The following SYNE1 variants were observed in gnomAD, a reference collection of about 807,000 sequenced individuals.
SYNE1 encodes nesprin-1.
Under a neutral mutation model 1,111.0 loss-of-function variants are expected in SYNE1, and 616 were observed. That is an observed-to-expected ratio of 0.55 (90% confidence interval 0.52 to 0.59). The LOEUF (loss-of-function observed/expected upper bound fraction) is 0.59, where lower values mean the gene tolerates loss of function less well. Ranked by LOEUF, SYNE1 falls within the 20% of genes least tolerant of loss-of-function variation. SYNE1 has a pLI of 0.00. For synonymous variants in SYNE1, 3,855 were observed against 3,825.8 expected (o/e 1.01, Z -0.28); for missense variants, 10,006 against 10,417.0 (o/e 0.96, Z 1.72).
chr6:152,381,082 GTT>G lies in SYNE1; in HGVS notation c.8931_8932del (p.Lys2977AsnfsTer16). The G allele has an allele frequency of 6.2e-7, 1 of 1,614,166 alleles. No individual in the cohort carries two copies. Among genetic ancestry groups the G allele is most frequent in the Non-Finnish European group, 8.5e-7 (1 of 1,180,032 alleles). ...CAGGAGGGTTAACTGCTGAGCCCAGGTTTTCAGAAGGGCACTGAACTGTTCCA... is the reference window on the plus strand; with the variant it reads ...CAGGAGGGTTAACTGCTGAGCCCAGGTTCAGAAGGGCACTGAACTGTTCCA... On this transcript the variant is annotated frameshift_variant, in exon 56 of 146. Coordinates refer to ENST00000367255, the MANE Select transcript of SYNE1 (RefSeq NM_182961.4). LOFTEE classifies it high-confidence loss of function.
chr6:152,127,230 G>A (rs946184399), intron 145 of SYNE1: 13 of 152,118 alleles, frequency 8.5e-5, no homozygotes, highest in South Asian at 2.1e-4. Flanking sequence ...TACGGTTAAC[G>A]GGGTAGGGTC....
intron 130 of SYNE1, among the ~76,000 whole-genome samples, chr6:152,170,020 T>C (rs890093151): frequency 1.3e-5 from 2 of 152,194 alleles, no homozygotes; most frequent in African/African-American, 4.8e-5. Context: ...GTTTTTTTCT[T>C]GATTATGACT....
In SYNE1 at chr6:152,419,779, TGA is replaced by T. The variant is rs1450302299; in HGVS notation, c.5268-59_5268-58del. Reference sequence around the variant, plus strand: ...CCCATAAGTAAACAGAAAGGATTAATGATGTATTTTGGGAATTAAGCTTACCC... The same window carrying T: ...CCCATAAGTAAACAGAAAGGATTAATTGTATTTTGGGAATTAAGCTTACCC... On this transcript the variant is annotated intron_variant, in intron 39 of 145. Coordinates refer to ENST00000367255, the MANE Select transcript of SYNE1 (RefSeq NM_182961.4). 530 of 1,592,206 alleles carry T rather than the reference TGA, an allele frequency of 3.3e-4. 1 individual carries two copies. In the African/African-American group the frequency reaches 6.2e-3, roughly 19 times the overall value.
intron 3 of SYNE1, among the ~76,000 whole-genome samples, chr6:152,554,906 T>A (rs1266182054): frequency 6.6e-6 from 1 of 152,222 alleles, no homozygotes; most frequent in Non-Finnish European, 1.5e-5. Context: ...AACATTTTAA[T>A]TTAAATGTTT....
At chr6:152,415,893 T>A (rs183586702) in intron 41 of SYNE1, among the ~76,000 whole-genome samples, 3 of 151,448 alleles carry the variant, frequency 2.0e-5, no homozygotes, top group Non-Finnish European at 2.9e-5. Context: ...AATTTAGAAG[T>A]TGATTTTGCC....
chr6:152,141,132 A>C, intron 139 of SYNE1, 71 bp downstream of exon 139: 1 of 1,609,084 alleles, frequency 6.2e-7, no homozygotes, highest in Non-Finnish European at 8.5e-7. Context: ...CCTAAGTGGA[A>C]TTTCGCTGTT....
At chr6:152,163,107 A>G (rs2062858199) in intron 131 of SYNE1, among the ~76,000 whole-genome samples, 1 of 152,214 alleles carries the variant, frequency 6.6e-6, no homozygotes, top group South Asian at 2.1e-4. Flanking sequence ...TGTGGATAGA[A>G]TATTCAAAGC....
rs190303992 is a variant in SYNE1, at chr6:152,230,383, T to A, written c.21195+164A>T. On this transcript the variant is annotated intron_variant, in intron 115 of 145. Coordinates refer to ENST00000367255, the MANE Select transcript of SYNE1 (RefSeq NM_182961.4). ...CGAGTGAAAAAAACCTAATGTATTT[T>A]AAAAAAAACCCTATAAACTCACAAA... Among the ~76,000 whole-genome samples, 796 of 152,082 alleles carry A rather than the reference T, an allele frequency of 5.2e-3. 9 individuals carry two copies. Among genetic ancestry groups the A allele is most frequent in the African/African-American group, 0.018 (730 of 41,486 alleles).
intron 63 of SYNE1, 120 bp downstream of exon 63, chr6:152,364,727 A>AGGAT (rs2097028413): frequency 5.5e-6 from 6 of 1,082,252 alleles, no homozygotes; most frequent in Non-Finnish European, 8.0e-6. Flanking sequence ...GAAGGAAGGA[A>AGGAT]GGGAGGAAGG....
rs188811614 is a variant in SYNE1, at chr6:152,611,602, A to C, written c.67+16663T>G. On this transcript the variant is annotated intron_variant, in intron 3 of 145. Coordinates refer to ENST00000367255, the MANE Select transcript of SYNE1 (RefSeq NM_182961.4). ...AGACAGATCAATGAGACAGAAGGTT[A>C]ACAAGGATATCCAGGAATTGAACTC... Among the ~76,000 whole-genome samples the C allele has an allele frequency of 2.1e-3, 322 of 152,328 alleles. 1 individual carries two copies. The highest frequency in any genetic ancestry group is 3.7e-3 in the Non-Finnish European group (250 of 68,028).
chr6:152,593,535 T>C (rs1565058702), intron 3 of SYNE1, among the ~76,000 whole-genome samples: 2 of 151,972 alleles, frequency 1.3e-5, no homozygotes, highest in South Asian at 4.2e-4. Flanking sequence ...TGAGCTGAGA[T>C]TGTGCCACTG....
At chr6:152,541,224 T>C (rs538385424) in intron 3 of SYNE1, among the ~76,000 whole-genome samples, 28 of 152,332 alleles carry the variant, frequency 1.8e-4, no homozygotes, top group Non-Finnish European at 3.7e-4. Flanking sequence ...GCAGTATGGA[T>C]ATTTTAACAA....
chr6:152,211,661 A>T, intron 123 of SYNE1, 73 bp from the exon 124 acceptor site: 1 of 1,350,234 alleles, frequency 7.4e-7, no homozygotes, highest in Non-Finnish European at 1.0e-6. Context: ...ATAACTTTCC[A>T]AATATTCTAG....
At position 152,262,155 on chromosome 6, in the gene SYNE1, C is replaced by A. The variant is rs776505129; in HGVS notation, c.18849G>T (p.Gly6283=). The A allele has an allele frequency of 1.2e-6, 2 of 1,613,760 alleles. No individual in the cohort carries two copies. Among genetic ancestry groups the A allele is most frequent in the African/African-American group, 2.7e-5 (2 of 74,886 alleles). ...EKPDVLSQEL[G]MEGEKSSAED... is the part of the protein sequence containing the mutation. ...CAGCGGATGATTTCTCCCCTTCCAT[C>A]CCCAACTCCTGGGATAACACATCAG... Residue 6283 remains glycine (G), a synonymous_variant, in exon 101 of 146, where the codon GGG becomes GGT. Coordinates refer to ENST00000367255, the MANE Select transcript of SYNE1 (RefSeq NM_182961.4).
At chr6:152,279,403 A>G (rs2093879580) in intron 97 of SYNE1, among the ~76,000 whole-genome samples, 2 of 151,994 alleles carry the variant, frequency 1.3e-5, no homozygotes, top group African/African-American at 4.8e-5. Context: ...TCATTTCCCT[A>G]TACAAAATCA....
At chr6:152,394,203 C>T (rs1297425564) in intron 51 of SYNE1, among the ~76,000 whole-genome samples, 1 of 152,204 alleles carries the variant, frequency 6.6e-6, no homozygotes, top group Non-Finnish European at 1.5e-5. Context: ...ATTTGTGCCA[C>T]ATTTTCTTTA....
chr6:152,535,580 C>T (rs1264697691), intron 4 of SYNE1, among the ~76,000 whole-genome samples: 8 of 152,114 alleles, frequency 5.3e-5, no homozygotes, highest in Admixed American at 5.2e-4. Context: ...ATCTATTTAT[C>T]TCACAGTCAA....
chr6:152,271,732 G>T (rs1028444397), intron 98 of SYNE1, among the ~76,000 whole-genome samples: 7 of 152,200 alleles, frequency 4.6e-5, no homozygotes, highest in African/African-American at 1.7e-4. Flanking sequence ...CAGTTCAAAA[G>T]GAACCCATAG....
At chr6:152,394,957 A>G (rs974248935) in intron 51 of SYNE1, among the ~76,000 whole-genome samples, 20 of 151,612 alleles carry the variant, frequency 1.3e-4, no homozygotes, top group African/African-American at 4.8e-4. Context: ...TAATTTTTGT[A>G]TTTTTAGTAG....
Sources: gnomAD v4.1 joint callset for allele counts (sites outside exome capture counted in the v4.1 genomes callset) on GRCh38, gnomAD v4.1.1 for gene constraint, MANE v1.5 for transcripts, NCBI Gene and HGNC (gene_info 2026-07-23, HGNC 2026-07-21) for gene names.